IL1RN: variants seen among roughly 807,000 people sequenced by gnomAD.
IL1RN encodes interleukin 1 receptor antagonist.
In IL1RN, 10 loss-of-function variants were observed where a neutral mutation model predicts 13.7. The ratio of observed to expected loss-of-function variants is 0.73; its 90% CI spans 0.45 to 1.24. The LOEUF is 1.24. IL1RN is among the 50% of genes most tolerant of loss of function. IL1RN has a pLI of 0.00. For synonymous variants in IL1RN, 102 were observed against 82.7 expected (o/e 1.23, Z -1.27); for missense variants, 213 against 222.1 (o/e 0.96, Z 0.26).
upstream of IL1RN, among the ~76,000 whole-genome samples, chr2:113,109,735 G>A (rs1686461893): frequency 6.7e-6 from 1 of 148,602 alleles, no homozygotes; most frequent in African/African-American, 2.5e-5. Flanking sequence ...CTCAACAAAT[G>A]TATGACACTT....
upstream of IL1RN, among the ~76,000 whole-genome samples, chr2:113,110,392 AT>A (rs1686476265): frequency 6.6e-6 from 1 of 152,048 alleles, no homozygotes; most frequent in African/African-American, 2.4e-5. Context: ...AGTTTTGCAA[AT>A]TTCTCTGATC....
chr2:113,131,330 C>T (rs55892428), intron 3 of IL1RN, among the ~76,000 whole-genome samples, 173 bp downstream of exon 3: 7 of 152,282 alleles, frequency 4.6e-5, no homozygotes, highest in Admixed American at 1.3e-4. Context: ...GCCTGGCTTG[C>T]GCTGGGCATC....
chr2:113,111,698 C>T (rs1160076704), intron 1 of IL1RN, among the ~76,000 whole-genome samples: 3 of 152,078 alleles, frequency 2.0e-5, no homozygotes, highest in Non-Finnish European at 4.4e-5. Context: ...TGCAGCTCAA[C>T]TGTTCTTTCC....
In IL1RN at chr2:113,111,365, C is replaced by T. The variant is rs1051037505; in HGVS notation, c.-388+166C>T. ...GTGTTTATTTATGGAGAAGGCACTA[C>T]GGTGGCCAAGTGGCTCAGAGTCACA... On this transcript the variant is annotated intron_variant, in intron 1 of 8. Transcript: ENST00000409052. Among the ~76,000 whole-genome samples the T allele has an allele frequency of 9.9e-5, 15 of 152,248 alleles. No individual in the cohort carries two copies. The East Asian group carries it at 2.1e-3, about 22-fold the overall frequency.
the IL1RN span, among the ~76,000 whole-genome samples, chr2:113,101,286 G>T: frequency 6.6e-6 from 1 of 152,120 alleles, no homozygotes; most frequent in Non-Finnish European, 1.5e-5. Flanking sequence ...TAGCGAGGGG[G>T]TTTCCTTCCA....
the IL1RN span, among the ~76,000 whole-genome samples, chr2:113,099,809 A>ACTG: frequency 0.024 from 3,093 of 129,214 alleles, 131 homozygotes; most frequent in African/African-American, 0.084. Context: ...ATCTCGGCTC[A>ACTG]CTGCAAGCTC....
At position 113,133,185 on chromosome 2, in the gene IL1RN, A is replaced by T. The variant is rs1182418203; in HGVS notation, c.*314A>T. 2.3e-6 allele frequency: 1 copy of T among 441,628 alleles called. No individual in the cohort carries two copies. The highest frequency in any genetic ancestry group is 4.2e-6 in the Non-Finnish European group (1 of 236,496). 27.4% of individuals were successfully genotyped at this position (441,628 alleles called of 1,614,324 possible). On this transcript the variant is annotated 3_prime_UTR_variant, in exon 4 of 4. Transcript: ENST00000409930. Reference sequence around the variant, plus strand: ...CTGCCCAACCTGCTCTCCTCTTGCCACTGCCTCTTCCTCCCTCATTCCACC... The same window carrying T: ...CTGCCCAACCTGCTCTCCTCTTGCCTCTGCCTCTTCCTCCCTCATTCCACC...
the IL1RN span, among the ~76,000 whole-genome samples, chr2:113,099,422 A>G: frequency 2.6e-5 from 4 of 152,212 alleles, no homozygotes; most frequent in African/African-American, 9.7e-5. Flanking sequence ...CACCAACAGC[A>G]ATGAGTTTAC....
At chr2:113,123,576 G>C (rs1686854635), upstream of IL1RN, among the ~76,000 whole-genome samples, 1 of 152,156 alleles carries the variant, frequency 6.6e-6, no homozygotes, top group South Asian at 2.1e-4. Context: ...TGTGCAGCAG[G>C]AGCAAAAGTG....
upstream of IL1RN, among the ~76,000 whole-genome samples, chr2:113,122,789 T>C (rs1686820561): frequency 6.6e-6 from 1 of 152,186 alleles, no homozygotes; most frequent in Admixed American, 6.5e-5. Context: ...TACCTCTAAA[T>C]GCTACTCAAA....
At chr2:113,125,166 A>C (rs1686912600), upstream of IL1RN, among the ~76,000 whole-genome samples, 3 of 152,240 alleles carry the variant, frequency 2.0e-5, no homozygotes, top group Admixed American at 2.0e-4. Context: ...AGAACCTATC[A>C]TAGTCAGGTG....
At chr2:113,099,444 T>C in the IL1RN span, among the ~76,000 whole-genome samples, 3 of 152,216 alleles carry the variant, frequency 2.0e-5, no homozygotes, top group Non-Finnish European at 4.4e-5. Flanking sequence ...TCCAGGAAGC[T>C]GGTGAGCAGG....
chr2:113,128,006 A>C (rs1409372369), intron 1 of IL1RN, among the ~76,000 whole-genome samples: 2 of 152,238 alleles, frequency 1.3e-5, no homozygotes, highest in Non-Finnish European at 2.9e-5. Context: ...ATGCATGCCA[A>C]GGAGTGGGAC....
upstream of IL1RN, among the ~76,000 whole-genome samples, chr2:113,110,245 G>C (rs760726745): frequency 5.9e-5 from 9 of 152,164 alleles, no homozygotes; most frequent in Non-Finnish European, 1.3e-4. Context: ...CAAATCCCAG[G>C]TCCTACTCTG....
At chr2:113,128,400 C>A (rs1480954353) in intron 1 of IL1RN, among the ~76,000 whole-genome samples, 1 of 152,160 alleles carries the variant, frequency 6.6e-6, no homozygotes, top group East Asian at 1.9e-4. Flanking sequence ...GACATTCCAG[C>A]AGTGAAATCA....
chr2:113,117,853 TG>T, upstream of IL1RN: 1 of 714,274 alleles, frequency 1.4e-6, no homozygotes, highest in Non-Finnish European at 2.6e-6. Flanking sequence ...GAGGGGAGGC[TG>T]GGCTCCTCCT....
At chr2:113,100,033 C>G in the IL1RN span, among the ~76,000 whole-genome samples, 2 of 140,354 alleles carry the variant, frequency 1.4e-5, no homozygotes, top group African/African-American at 5.2e-5. Context: ...CGCGACTGGC[C>G]CCTCTTCCTT....
At chr2:113,127,274 T>A (rs914384985), upstream of IL1RN, among the ~76,000 whole-genome samples, 2 of 152,194 alleles carry the variant, frequency 1.3e-5, no homozygotes, top group Admixed American at 6.5e-5. Context: ...ATCTGTTTTT[T>A]AAAAAGTCAA....
intron 1 of IL1RN, among the ~76,000 whole-genome samples, chr2:113,118,863 C>T (rs905938435): frequency 2.6e-5 from 4 of 152,084 alleles, no homozygotes. Context: ...ATGGTGAAAC[C>T]CTGTCTCTAT....
Sources: allele counts gnomAD v4.1 joint callset (sites outside exome capture counted in the v4.1 genomes callset), GRCh38; gene constraint gnomAD v4.1.1; transcripts MANE v1.5; gene names NCBI Gene and HGNC (gene_info 2026-07-23, HGNC 2026-07-21).